Variants in FAM53A observed in about 807,000 individuals in gnomAD.
FAM53A encodes the protein family with sequence similarity 53 member A.
In FAM53A, 28 loss-of-function variants were observed where a neutral mutation model predicts 26.6. The observed-to-expected ratio is 1.05, with a 90% CI of 0.78 to 1.45. The LOEUF is 1.45. FAM53A is among the 40% of genes most tolerant of loss of function. The probability of loss-of-function intolerance (pLI) is 0.00; values close to 1 mark genes in which losing one functional copy is unlikely to be tolerated. For synonymous variants in FAM53A, 290 were observed against 253.1 expected (o/e 1.15, Z -1.38); for missense variants, 650 against 575.8 (o/e 1.13, Z -1.32).
intron 1 of FAM53A, among the ~76,000 whole-genome samples, chr4:1,631,492 C>G (rs1050400025): frequency 6.6e-6 from 1 of 152,136 alleles, no homozygotes; most frequent in Admixed American, 6.5e-5. Flanking sequence ...GTGTGTCCCC[C>G]GCTGCCTGGG....
the FAM53A span, among the ~76,000 whole-genome samples, chr4:1,590,581 A>G: frequency 6.6e-6 from 1 of 151,996 alleles, no homozygotes; most frequent in African/African-American, 2.4e-5. Context: ...TATGCAAACA[A>G]TCCAAACCAT....
intron 1 of FAM53A, among the ~76,000 whole-genome samples, chr4:1,620,029 G>A (rs1427715722): frequency 6.6e-6 from 1 of 151,724 alleles, no homozygotes; most frequent in African/African-American, 2.4e-5. Flanking sequence ...CCAATATGGT[G>A]AAACCCCGTC....
exon 2 of FAM53A, chr4:1,617,918 T>G (rs1577078713): frequency 2.5e-6 from 1 of 404,280 alleles, no homozygotes; most frequent in African/African-American, 2.1e-5. Context: ...CAGCTGCTGG[T>G]GAGCAGCAGC....
chr4:1,651,487 G>A (rs986480589), intron 4 of FAM53A, among the ~76,000 whole-genome samples: 5 of 151,442 alleles, frequency 3.3e-5, no homozygotes, highest in African/African-American at 7.3e-5. Context: ...ACCGGAGATC[G>A]TGCCACTGCA....
At chr4:1,679,206 G>GA (rs1222427190) in intron 1 of FAM53A, among the ~76,000 whole-genome samples, 1 of 152,026 alleles carries the variant, frequency 6.6e-6, no homozygotes, top group Non-Finnish European at 1.5e-5. Context: ...CCAACATGGT[G>GA]AAACCCCATC....
intron 2 of FAM53A, among the ~76,000 whole-genome samples, chr4:1,666,382 C>A (rs1714235926): frequency 1.3e-5 from 2 of 151,760 alleles, no homozygotes; most frequent in Non-Finnish European, 2.9e-5. Context: ...CACCTGCACC[C>A]CCTGTATCTA....
intron 1 of FAM53A, among the ~76,000 whole-genome samples, chr4:1,634,838 T>C (rs1715765432): frequency 6.6e-6 from 1 of 151,526 alleles, no homozygotes; most frequent in Non-Finnish European, 1.5e-5. Flanking sequence ...AGACAGAGAT[T>C]GCAGTGAGTC....
Position 1,670,413 on chromosome 4 carries a change from G to A in FAM53A, c.-164-1508C>T, listed in dbSNP as rs570858349. 2.3e-4 allele frequency among the ~76,000 whole-genome samples: 35 copies of A among 152,320 alleles called. 1 individual carries two copies. Among genetic ancestry groups the A allele is most frequent in the Admixed American group, 2.0e-3 (31 of 15,298 alleles). The stretch of plus-strand genomic sequence containing the variant: ...ACCCAGCCTGGCTCAGAGCCTTCCC[G>A]TCACCAGGCACAGCCCCGCTGCTGC... On this transcript the variant is annotated intron_variant, in intron 1 of 4. Coordinates refer to ENST00000308132, the MANE Select transcript of FAM53A (RefSeq NM_001174070.3).
chr4:1,614,755 G>C (rs1714748299), downstream of FAM53A, among the ~76,000 whole-genome samples: 1 of 152,162 alleles, frequency 6.6e-6, no homozygotes. Context: ...TGCTTTATGT[G>C]TGGCCCTATT....
At chr4:1,647,107 G>A (rs1712313998) in intron 4 of FAM53A, among the ~76,000 whole-genome samples, 2 of 152,170 alleles carry the variant, frequency 1.3e-5, no homozygotes, top group South Asian at 4.1e-4. Flanking sequence ...GGCTGAGGTG[G>A]GTGGATTTCC....
chr4:1,651,139 C>T lies in FAM53A; in HGVS notation c.882+3839G>A, dbSNP rs559239703. On this transcript the variant is annotated intron_variant, in intron 4 of 4. Coordinates refer to ENST00000308132, the MANE Select transcript of FAM53A (RefSeq NM_001174070.3). ...AGCTGAGGCAGGAGAATCCCTTGGA[C>T]CCAGGAGGCAGAGGTTGCAGTGAGC... 1.5e-4 allele frequency among the ~76,000 whole-genome samples: 23 copies of T among 149,014 alleles called. No individual in the cohort carries two copies. The East Asian group carries it at 4.3e-3, about 28-fold the overall frequency.
chr4:1,597,863 G>T, the FAM53A span, among the ~76,000 whole-genome samples: 15 of 152,272 alleles, frequency 9.9e-5, no homozygotes, highest in Non-Finnish European at 2.1e-4. Context: ...GGATGTGGTG[G>T]CGGGCGCCTG....
At chr4:1,619,120 G>C (rs913393846) in intron 1 of FAM53A, among the ~76,000 whole-genome samples, 1 of 152,188 alleles carries the variant, frequency 6.6e-6, no homozygotes, top group Admixed American at 6.5e-5. Flanking sequence ...AGACAGGCAG[G>C]CTCTGGGCCC....
At chr4:1,627,473 TG>T (rs1715357548) in intron 1 of FAM53A, among the ~76,000 whole-genome samples, 1 of 152,182 alleles carries the variant, frequency 6.6e-6, no homozygotes, top group Admixed American at 6.5e-5. Flanking sequence ...GAAAGCACCC[TG>T]GGGTGCCACA....
the FAM53A span, among the ~76,000 whole-genome samples, chr4:1,587,044 G>T: frequency 6.6e-6 from 1 of 152,178 alleles, no homozygotes; most frequent in South Asian, 2.1e-4. Context: ...CTTCTTTTGA[G>T]AAATGTCTAC....
chr4:1,633,141 T>G (rs988695885), intron 1 of FAM53A, among the ~76,000 whole-genome samples: 5 of 151,892 alleles, frequency 3.3e-5, no homozygotes, highest in African/African-American at 1.2e-4. Context: ...CTCACACACA[T>G]AGGTACACGT....
At chr4:1,607,706 C>T in the FAM53A span, among the ~76,000 whole-genome samples, 129 of 152,220 alleles carry the variant, frequency 8.5e-4, no homozygotes, top group African/African-American at 2.8e-3. Context: ...TTTGGGAGGC[C>T]GAGGTGGGCG....
intron 1 of FAM53A, among the ~76,000 whole-genome samples, chr4:1,622,355 G>T (rs138855707): frequency 6.6e-6 from 1 of 152,106 alleles, no homozygotes; most frequent in Non-Finnish European, 1.5e-5. Flanking sequence ...GGAGCCCCCC[G>T]GCTGAAGGTG....
Position 1,657,442 on chromosome 4 carries a change from GT to G in FAM53A, c.101del (p.Asn34ThrfsTer257). 1 of 1,613,902 alleles carries G rather than the reference GT, an allele frequency of 6.2e-7. No individual in the cohort carries two copies. The highest frequency in any genetic ancestry group is 1.1e-5 in the South Asian group (1 of 91,010). On this transcript the variant is annotated frameshift_variant, in exon 3 of 5. Coordinates refer to ENST00000308132, the MANE Select transcript of FAM53A (RefSeq NM_001174070.3). LOFTEE classifies it high-confidence loss of function. ...GPLQYSAETL[N>X]KSGRLFPLEL... is the part of the protein sequence containing the mutation. ...CCAAAGGGAACAGACGACCGCTCTT[GT>G]TCAGGGTTTCCGCAGAATACTGCAA...
Sources: gnomAD v4.1 joint callset for allele counts (sites outside exome capture counted in the v4.1 genomes callset) on GRCh38, gnomAD v4.1.1 for gene constraint, MANE v1.5 for transcripts, NCBI Gene and HGNC (gene_info 2026-07-23, HGNC 2026-07-21) for gene names.